Variants in NFKB1 observed in about 807,000 individuals in gnomAD.
NFKB1 encodes the protein nuclear factor kappa B subunit 1.
In NFKB1, 9 loss-of-function variants were observed where a neutral mutation model predicts 105.1. The ratio of observed to expected loss-of-function variants is 0.09; its 90% confidence interval spans 0.05 to 0.15. The LOEUF is 0.15. Among genes scored for constraint, NFKB1 ranks in the 10% least tolerant of loss-of-function variants. NFKB1 has a pLI of 1.00. For missense variants in NFKB1, 830 were observed against 1,203.7 expected (o/e 0.69, Z 4.59); for synonymous variants, 440 against 442.2 (o/e 1.00, Z 0.06).
intron 6 of NFKB1, among the ~76,000 whole-genome samples, chr4:102,572,817 C>T (rs532577418): frequency 5.3e-5 from 8 of 152,190 alleles, no homozygotes; most frequent in South Asian, 4.1e-4. Context: ...TATATTTAAC[C>T]ACGTATTTAT....
At chr4:102,610,037 A>G (rs776548514) in intron 19 of NFKB1, among the ~76,000 whole-genome samples, 4 of 152,236 alleles carry the variant, frequency 2.6e-5, no homozygotes, top group African/African-American at 7.2e-5. Flanking sequence ...TTCAATAATT[A>G]TACATCCTAG....
intron 5 of NFKB1, among the ~76,000 whole-genome samples, chr4:102,538,631 T>C (rs1741792230): frequency 6.6e-6 from 1 of 152,186 alleles, no homozygotes; most frequent in Non-Finnish European, 1.5e-5. Flanking sequence ...ATGTTCAGGC[T>C]GTTTGTTTAT....
chr4:102,569,418 C>G (rs1384122134), intron 6 of NFKB1, among the ~76,000 whole-genome samples: 7 of 152,160 alleles, frequency 4.6e-5, no homozygotes, highest in Admixed American at 3.9e-4. Flanking sequence ...ATAACATGAG[C>G]AAACTTGCCA....
At chr4:102,614,255 G>A (rs919254799) in intron 23 of NFKB1, among the ~76,000 whole-genome samples, 7 of 152,072 alleles carry the variant, frequency 4.6e-5, no homozygotes, top group Non-Finnish European at 8.8e-5. Flanking sequence ...GGACTTGGTG[G>A]GTTAAATTTC....
At chr4:102,595,352 C>G (rs1240852627) in intron 13 of NFKB1, among the ~76,000 whole-genome samples, 1 of 152,116 alleles carries the variant, frequency 6.6e-6, no homozygotes, top group African/African-American at 2.4e-5. Context: ...TAGGATCGGT[C>G]TTTTCCCATC....
At chr4:102,583,523 G>A (rs1725476168) in intron 10 of NFKB1, among the ~76,000 whole-genome samples, 1 of 152,126 alleles carries the variant, frequency 6.6e-6, no homozygotes, top group African/African-American at 2.4e-5. Flanking sequence ...GTGCCCCACA[G>A]GTCCTTTAAT....
intron 1 of NFKB1, among the ~76,000 whole-genome samples, chr4:102,521,096 A>G (rs907786632): frequency 2.0e-5 from 3 of 152,200 alleles, no homozygotes; most frequent in Admixed American, 6.5e-5. Context: ...TAATTAAACA[A>G]TCTGTTATCA....
intron 5 of NFKB1, among the ~76,000 whole-genome samples, chr4:102,562,797 G>C (rs548962358): frequency 6.6e-6 from 1 of 152,316 alleles, no homozygotes; most frequent in East Asian, 1.9e-4. Context: ...GCTTAGTGCA[G>C]TAGAGGACAA....
intron 5 of NFKB1, among the ~76,000 whole-genome samples, chr4:102,552,124 G>A (rs926926782): frequency 1.5e-4 from 23 of 152,110 alleles, no homozygotes; most frequent in African/African-American, 5.6e-4. Context: ...GGCCACACCA[G>A]GAATACAGTG....
intron 20 of NFKB1, 145 bp from the exon 21 acceptor site, chr4:102,611,899 G>A: frequency 1.6e-6 from 1 of 643,006 alleles, no homozygotes; most frequent in Non-Finnish European, 2.7e-6. Context: ...TTGGAGGGTG[G>A]TCCTGATTCC....
intron 6 of NFKB1, among the ~76,000 whole-genome samples, chr4:102,573,547 G>T (rs949987286): frequency 3.3e-5 from 5 of 151,792 alleles, no homozygotes; most frequent in African/African-American, 1.2e-4. Flanking sequence ...TGTGCTTGGG[G>T]TTCATCGAGA....
intron 5 of NFKB1, among the ~76,000 whole-genome samples, chr4:102,538,924 G>C (rs1282636886): frequency 1.3e-5 from 2 of 152,056 alleles, no homozygotes; most frequent in Non-Finnish European, 2.9e-5. Context: ...CAGTAGAGCA[G>C]GCCCTCAGCA....
chr4:102,511,328 A>G (rs1245744982), intron 1 of NFKB1, among the ~76,000 whole-genome samples: 1 of 152,264 alleles, frequency 6.6e-6, no homozygotes, highest in Non-Finnish European at 1.5e-5. Flanking sequence ...AGTGCCAAAC[A>G]AGACAGAAAT....
chr4:102,586,947 G>A (rs4648041), intron 11 of NFKB1, among the ~76,000 whole-genome samples: 32 of 152,196 alleles, frequency 2.1e-4, no homozygotes, highest in South Asian at 4.1e-4. Context: ...TTTAGAAAAC[G>A]GTTCTACAAG....
Position 102,552,410 on chromosome 4 carries a change from G to T in NFKB1, c.258+14454G>T, listed in dbSNP as rs542593928. Among the ~76,000 whole-genome samples the T allele has an allele frequency of 2.6e-5, 4 of 152,318 alleles. No individual in the cohort carries two copies. The East Asian group carries it at 5.8e-4, about 22-fold the overall frequency. The stretch of plus-strand genomic sequence containing the variant: ...GTTTCAGTTGCTGCTGACAGTCAGG[G>T]CTGTCTGAGGATGGAATGTATTGCC... On this transcript the variant is annotated intron_variant, in intron 5 of 23. Transcript: ENST00000226574.
At chr4:102,522,026 C>T (rs1740607562) in intron 1 of NFKB1, among the ~76,000 whole-genome samples, 1 of 152,174 alleles carries the variant, frequency 6.6e-6, no homozygotes, top group Non-Finnish European at 1.5e-5. Flanking sequence ...TGGAAATTTA[C>T]TATCGCCCTT....
At chr4:102,510,956 T>C in intron 1 of NFKB1, 2 of 1,282,618 alleles carry the variant, frequency 1.6e-6, no homozygotes, top group Non-Finnish European at 2.0e-6. Context: ...CCAGGTAAAC[T>C]AAAAAGAAAA....
In NFKB1 at chr4:102,617,201, T is replaced by A. The variant is rs1483145780; in HGVS notation, c.*607T>A. 1.3e-5 allele frequency: 2 copies of A among 152,378 alleles called. No individual in the cohort carries two copies. Among genetic ancestry groups the A allele is most frequent in the Non-Finnish European group, 2.9e-5 (2 of 67,980 alleles). The allele number at this position is 152,378 out of a possible 1,614,324, so 9.4% of individuals were successfully genotyped here. The stretch of plus-strand genomic sequence containing the variant: ...TTTCTGCATTTTGCTATTGTAAATA[T>A]GTTTTTTAGATCAAATACTTTAAAG... On this transcript the variant is annotated 3_prime_UTR_variant, in exon 24 of 24. Coordinates refer to ENST00000226574, the MANE Select transcript of NFKB1 (RefSeq NM_003998.4).
Position 102,580,652 on chromosome 4 carries a change from T to C in NFKB1, c.835+13T>C, listed in dbSNP as rs111607339. The C allele has an allele frequency of 6.4e-5, 102 of 1,595,604 alleles. No individual in the cohort carries two copies. The highest frequency in any genetic ancestry group is 1.5e-4 in the Admixed American group (9 of 59,922). On this transcript the variant is annotated intron_variant, in intron 9 of 23. Coordinates refer to ENST00000226574, the MANE Select transcript of NFKB1 (RefSeq NM_003998.4). ...AAAGTTCAGAAAGGTAAATACATTCTGTGATCTCTGATCTCAAGAGGTGTG... is the reference window on the plus strand; with the variant it reads ...AAAGTTCAGAAAGGTAAATACATTCCGTGATCTCTGATCTCAAGAGGTGTG...
Sources: gnomAD v4.1 joint callset for allele counts (sites outside exome capture counted in the v4.1 genomes callset) on GRCh38, gnomAD v4.1.1 for gene constraint, MANE v1.5 for transcripts, NCBI Gene and HGNC (gene_info 2026-07-23, HGNC 2026-07-21) for gene names.